The following WDPCP variants were observed in gnomAD, a reference collection of about 807,000 sequenced individuals.
WDPCP encodes WD repeat containing planar cell polarity effector, also known as WD repeat-containing and planar cell polarity effector protein fritz homolog.
WDPCP carries 71 observed loss-of-function variants against 93.1 expected under a neutral mutation model. That is an observed-to-expected ratio of 0.76 (90% CI 0.63 to 0.93). WDPCP has a LOEUF of 0.93. Ranked by LOEUF, WDPCP falls within the 40% of genes least tolerant of loss-of-function variation. The probability of loss-of-function intolerance (pLI) is 0.00; values close to 1 mark genes in which losing one functional copy is unlikely to be tolerated. For synonymous variants in WDPCP, 315 were observed against 315.0 expected, an observed-to-expected ratio of 1.00 and a Z score of 0.00; for missense variants, 844 against 887.4, an observed-to-expected ratio of 0.95 and a Z score of 0.62.
chr2:63,523,596 T>C (rs1703098674), intron 1 of WDPCP, among the ~76,000 whole-genome samples: 1 of 152,264 alleles, frequency 6.6e-6, no homozygotes, highest in East Asian at 1.9e-4. Context: ...GATAAACAAC[T>C]TGGGCAAGTT....
chr2:63,454,005 A>G (rs965612709), intron 6 of WDPCP, among the ~76,000 whole-genome samples: 4 of 151,480 alleles, frequency 2.6e-5, no homozygotes, highest in Non-Finnish European at 4.4e-5. Context: ...TACCTAATGT[A>G]AATGATGAGT....
chr2:63,446,465 TAA>T (rs563697936), intron 6 of WDPCP, among the ~76,000 whole-genome samples: 79 of 152,364 alleles, frequency 5.2e-4, no homozygotes, highest in African/African-American at 1.9e-3. Context: ...AGCCTCTCTT[TAA>T]AAGAGTGCTT....
Position 63,409,345 on chromosome 2 carries a change from G to C in WDPCP, c.826-4688C>G, listed in dbSNP as rs578080121. On this transcript the variant is annotated intron_variant, in intron 9 of 17. Coordinates refer to ENST00000272321, the MANE Select transcript of WDPCP (RefSeq NM_015910.7). ...ACAGGAAGCCACATCCATAGGAAGA[G>C]GGGGAGAGTACTACATCAAGAGAAC... is the stretch of plus-strand genomic sequence containing the variant. Among the ~76,000 whole-genome samples the C allele has an allele frequency of 2.6e-4, 40 of 152,314 alleles. No homozygotes were observed. In the South Asian group the frequency reaches 8.1e-3, roughly 31 times the overall value.
At chr2:63,404,759 A>G in intron 9 of WDPCP, 102 bp from the exon 10 acceptor site, 1 of 1,406,154 alleles carries the variant, frequency 7.1e-7, no homozygotes, top group Non-Finnish European at 9.9e-7. Flanking sequence ...AAGAAAATCA[A>G]TTACTATCTT....
At chr2:63,452,733 AC>A (rs1162695790) in intron 6 of WDPCP, among the ~76,000 whole-genome samples, 1 of 152,256 alleles carries the variant, frequency 6.6e-6, no homozygotes, top group African/African-American at 2.4e-5. Context: ...TGGTACTGGT[AC>A]CAAAACAGAG....
chr2:63,394,802 C>T (rs1273940490), intron 10 of WDPCP, among the ~76,000 whole-genome samples: 1 of 152,104 alleles, frequency 6.6e-6, no homozygotes, highest in African/African-American at 2.4e-5. Context: ...AAACCAAACA[C>T]CACATTTCTC....
intron 2 of WDPCP, among the ~76,000 whole-genome samples, chr2:63,689,885 A>C (rs1433572204): frequency 6.6e-6 from 1 of 152,214 alleles, no homozygotes; most frequent in Non-Finnish European, 1.5e-5. Flanking sequence ...TTATTAACCC[A>C]GTGTACTGCA....
intron 2 of WDPCP, among the ~76,000 whole-genome samples, chr2:63,769,833 C>T (rs1670199160): frequency 6.6e-6 from 1 of 151,872 alleles, no homozygotes; most frequent in African/African-American, 2.4e-5. Flanking sequence ...TGGTGGGTAA[C>T]TAATTCTGTG....
chr2:63,293,752 T>C (rs1036569992), intron 13 of WDPCP, among the ~76,000 whole-genome samples: 1 of 152,044 alleles, frequency 6.6e-6, no homozygotes, highest in African/African-American at 2.4e-5. Flanking sequence ...CAAAGCCAGA[T>C]TTGAGCAGAC....
chr2:63,612,945 A>G (rs1166938118), intron 3 of WDPCP, among the ~76,000 whole-genome samples: 2 of 97,246 alleles, frequency 2.1e-5, no homozygotes, highest in Non-Finnish European at 4.4e-5. Context: ...TTTTTTTTTT[A>G]CTTCTTAGCA....
At chr2:63,147,156 C>CTTAT (rs1008167924) in intron 17 of WDPCP, among the ~76,000 whole-genome samples, 23 of 152,034 alleles carry the variant, frequency 1.5e-4, no homozygotes, top group African/African-American at 5.6e-4. Context: ...AATGGAGAGT[C>CTTAT]TTATACACCA....
At chr2:63,349,048 G>C (rs1268102952) in intron 12 of WDPCP, among the ~76,000 whole-genome samples, 1 of 152,182 alleles carries the variant, frequency 6.6e-6, no homozygotes, top group African/African-American at 2.4e-5. Flanking sequence ...TGTTGAAGTA[G>C]GAGAGGTCTG....
chr2:63,271,008 C>A (rs573456412), intron 13 of WDPCP, among the ~76,000 whole-genome samples: 1 of 152,210 alleles, frequency 6.6e-6, no homozygotes, highest in Non-Finnish European at 1.5e-5. Context: ...GCTGACATTT[C>A]CCCCAACATC....
chr2:63,453,954 TG>T (rs1575449672), intron 6 of WDPCP, among the ~76,000 whole-genome samples: 4 of 76,342 alleles, frequency 5.2e-5, no homozygotes, highest in Admixed American at 1.7e-4. Context: ...TGTTGTGGGG[TG>T]GGGGGAGGGA....
intron 14 of WDPCP, among the ~76,000 whole-genome samples, chr2:63,189,298 G>A (rs997035394): frequency 6.6e-6 from 1 of 152,142 alleles, no homozygotes; most frequent in Non-Finnish European, 1.5e-5. Context: ...CTGGACTTAA[G>A]TTTCACTCTA....
chr2:63,181,192 T>C (rs532869047), intron 14 of WDPCP, among the ~76,000 whole-genome samples: 8 of 152,306 alleles, frequency 5.3e-5, no homozygotes, highest in Non-Finnish European at 8.8e-5. Flanking sequence ...AGAAGCTCTT[T>C]AGTTGAATTA....
At chr2:63,571,132 C>T (rs546739536) in intron 1 of WDPCP, among the ~76,000 whole-genome samples, 5 of 151,904 alleles carry the variant, frequency 3.3e-5, no homozygotes, top group Non-Finnish European at 4.4e-5. Context: ...AGTATGGTCT[C>T]GATCTCCTGA....
At chr2:63,164,707 A>C (rs560679217) in intron 15 of WDPCP, among the ~76,000 whole-genome samples, 1 of 152,346 alleles carries the variant, frequency 6.6e-6, no homozygotes, top group East Asian at 1.9e-4. Context: ...TATAATGTTT[A>C]AGGCTTTATT....
the WDPCP span, among the ~76,000 whole-genome samples, chr2:63,840,556 C>T: frequency 6.6e-6 from 1 of 152,220 alleles, no homozygotes; most frequent in Non-Finnish European, 1.5e-5. Context: ...CTCCCTAACG[C>T]ATCCTCACCC....
Sources: gnomAD v4.1 joint callset for allele counts (sites outside exome capture counted in the v4.1 genomes callset) on GRCh38, gnomAD v4.1.1 for gene constraint, MANE v1.5 for transcripts, NCBI Gene and HGNC (gene_info 2026-07-23, HGNC 2026-07-21) for gene names.